The following LIPJ variants were observed in gnomAD, a reference collection of about 807,000 sequenced individuals.
LIPJ encodes lipase member J.
In LIPJ, 33 loss-of-function variants were observed where a neutral mutation model predicts 39.8. That is an observed-to-expected ratio of 0.83 (90% CI 0.63 to 1.11). LIPJ has a LOEUF of 1.11. Ranked by LOEUF, LIPJ falls within the 50% of genes least tolerant of loss-of-function variation. LIPJ has a pLI of 0.00. For missense variants in LIPJ, 422 were observed against 427.9 expected (o/e 0.99, Z 0.12); for synonymous variants, 128 against 139.2 (o/e 0.92, Z 0.57).
At chr10:88,596,648 C>A in intron 7 of LIPJ, 142 bp from the exon 8 acceptor site, 3 of 890,912 alleles carry the variant, frequency 3.4e-6, no homozygotes, top group East Asian at 5.2e-5. Context: ...CCACACCCTG[C>A]TTCCAAGTTT....
At chr10:88,599,820 A>C (rs1335751502) in intron 8 of LIPJ, among the ~76,000 whole-genome samples, 2 of 151,612 alleles carry the variant, frequency 1.3e-5, no homozygotes, top group African/African-American at 2.4e-5. Flanking sequence ...CTTCAGTTAT[A>C]GTATTAACAA....
intron 6 of LIPJ, among the ~76,000 whole-genome samples, chr10:88,595,416 C>G (rs1851220635): frequency 6.6e-6 from 1 of 151,678 alleles, no homozygotes; most frequent in Admixed American, 6.6e-5. Context: ...TAAGTCATTT[C>G]TAAGCTGAAG....
chr10:88,606,142 G>A (rs1851658815), intron 10 of LIPJ, among the ~76,000 whole-genome samples: 2 of 152,024 alleles, frequency 1.3e-5, no homozygotes, highest in Non-Finnish European at 1.5e-5. Context: ...ATTGTATAAG[G>A]ACAAAATTAT....
At chr10:88,604,667 G>T (rs1851602779) in intron 9 of LIPJ, among the ~76,000 whole-genome samples, 1 of 152,150 alleles carries the variant, frequency 6.6e-6, no homozygotes, top group Admixed American at 6.5e-5. Flanking sequence ...AGGTAATATT[G>T]CCATTAAAGG....
At chr10:88,607,564 C>A (rs1851699174), downstream of LIPJ, among the ~76,000 whole-genome samples, 1 of 152,120 alleles carries the variant, frequency 6.6e-6, no homozygotes, top group African/African-American at 2.4e-5. Flanking sequence ...AGATCTGAGG[C>A]TGGACTCATA....
At chr10:88,602,584 G>A in exon 9 of LIPJ, 1 of 1,249,350 alleles carries the variant, frequency 8.0e-7, no homozygotes. Flanking sequence ...AGAGTCGTTT[G>A]GATGTGTATT....
At chr10:88,585,413 C>T (rs942753742), upstream of LIPJ, among the ~76,000 whole-genome samples, 2 of 152,180 alleles carry the variant, frequency 1.3e-5, no homozygotes, top group East Asian at 1.9e-4. Flanking sequence ...TCTTTTTGAC[C>T]GTTTCTCCAT....
At chr10:88,605,114 A>G (rs567299529) in intron 9 of LIPJ, among the ~76,000 whole-genome samples, 4 of 152,328 alleles carry the variant, frequency 2.6e-5, no homozygotes, top group Admixed American at 2.6e-4. Flanking sequence ...TAACATGAAA[A>G]AGTTCCTCAG....
At chr10:88,601,972 T>G (rs1229662800) in intron 8 of LIPJ, among the ~76,000 whole-genome samples, 1 of 152,194 alleles carries the variant, frequency 6.6e-6, no homozygotes, top group Non-Finnish European at 1.5e-5. Context: ...TTCCAGGAAC[T>G]ATCTAGGCAA....
the LIPJ span, among the ~76,000 whole-genome samples, chr10:88,614,584 T>G: frequency 6.6e-6 from 1 of 152,150 alleles, no homozygotes; most frequent in African/African-American, 2.4e-5. Context: ...GAACTATAGA[T>G]GTTCATGATT....
At chr10:88,594,184 A>T in intron 5 of LIPJ, 40 bp downstream of exon 5, 2 of 1,482,470 alleles carry the variant, frequency 1.3e-6, no homozygotes, top group Non-Finnish European at 1.8e-6. Context: ...TTATAAGTGT[A>T]TACAAATTTT....
the LIPJ span, chr10:88,618,086 TA>T: frequency 5.3e-5 from 8 of 152,152 alleles, no homozygotes; most frequent in African/African-American, 1.9e-4. Context: ...CCTCAATAAT[TA>T]GGTCAGCATC....
the LIPJ span, among the ~76,000 whole-genome samples, chr10:88,617,149 T>C: frequency 6.6e-6 from 1 of 152,022 alleles, no homozygotes; most frequent in Admixed American, 6.5e-5. Flanking sequence ...CCAAACATGC[T>C]CTCGGGACAA....
At chr10:88,602,520 GCTCT>G (rs999704724) in intron 8 of LIPJ, 52 bp from the exon 9 acceptor site, 328 of 1,183,664 alleles carry the variant, frequency 2.8e-4, no homozygotes, top group Non-Finnish European at 3.5e-4. Context: ...AAAAGATTAT[GCTCT>G]CTATGATTCA....
chr10:88,583,683 AC>A (rs554157035), upstream of LIPJ: 1 of 988,104 alleles, frequency 1.0e-6, no homozygotes, highest in Non-Finnish European at 1.2e-6. Flanking sequence ...TTGAACGGCC[AC>A]TATTAGCATA....
upstream of LIPJ, chr10:88,583,345 G>A (rs1850774305): frequency 2.8e-6 from 4 of 1,403,734 alleles, no homozygotes; most frequent in South Asian, 1.5e-5. Flanking sequence ...GGCCTGCAGG[G>A]GGCGGAAAGG....
chr10:88,584,859 A>T (rs1850854185), upstream of LIPJ, among the ~76,000 whole-genome samples: 1 of 152,180 alleles, frequency 6.6e-6, no homozygotes, highest in African/African-American at 2.4e-5. Flanking sequence ...TCTTTTTTTC[A>T]GGGATACAGC....
chr10:88,583,080 C>G (rs2296545), upstream of LIPJ: 711,816 of 1,608,540 alleles, frequency 0.44, 159,205 homozygotes, highest in African/African-American at 0.53. Context: ...CACCTGAGTC[C>G]TCAGCCTTGT....
chr10:88,584,995 T>C (rs543410197), upstream of LIPJ, among the ~76,000 whole-genome samples: 9 of 152,332 alleles, frequency 5.9e-5, no homozygotes, highest in East Asian at 1.9e-4. Context: ...GGGGAAATAG[T>C]GTACAATTAT....
Sources: gnomAD v4.1 joint callset for allele counts (sites outside exome capture counted in the v4.1 genomes callset) on GRCh38, gnomAD v4.1.1 for gene constraint, MANE v1.5 for transcripts, NCBI Gene and HGNC (gene_info 2026-07-23, HGNC 2026-07-21) for gene names.